Variants in CDYL2 observed in about 807,000 individuals in gnomAD.
CDYL2 encodes the protein chromodomain Y like 2.
CDYL2 carries 23 observed loss-of-function variants against 49.4 expected under a neutral mutation model. That is an observed-to-expected ratio of 0.47 (90% CI 0.34 to 0.66). CDYL2 has a LOEUF of 0.66. CDYL2 is among the 30% of genes least tolerant of loss of function. CDYL2 has a pLI of 0.01. For missense variants in CDYL2, 678 were observed against 656.4 expected (o/e 1.03, Z -0.36); for synonymous variants, 360 against 268.8 (o/e 1.34, Z -3.32).
intron 1 of CDYL2, among the ~76,000 whole-genome samples, chr16:80,704,539 T>C (rs564672285): frequency 1.3e-5 from 2 of 152,316 alleles, no homozygotes; most frequent in South Asian, 4.1e-4. Flanking sequence ...CTGAGATAAG[T>C]GCTCTAGACA....
Position 80,633,214 on chromosome 16 carries a change from T to A in CDYL2, c.639A>T (p.Gly213=), listed in dbSNP as rs754724322. The A allele has an allele frequency of 3.1e-6, 5 of 1,614,068 alleles. No homozygotes were observed. In the South Asian group the frequency reaches 5.5e-5, roughly 18 times the overall value. The change falls in exon 3 of 7, where the codon GGA becomes GGT. Residue 213 remains glycine, a synonymous_variant. Coordinates refer to ENST00000570137, the MANE Select transcript of CDYL2 (RefSeq NM_152342.4). Reference sequence around the variant, plus strand: ...TCTTCACTGGACTGTGCAGGTTCAATCCCCCGTTGGTCAGAGCAGAGCCTT... The same window carrying A: ...TCTTCACTGGACTGTGCAGGTTCAAACCCCCGTTGGTCAGAGCAGAGCCTT... ...NGLGSALTNG[G]LNLHSPVKRK...
intron 5 of CDYL2, 94 bp from the exon 6 acceptor site, chr16:80,608,329 T>G (rs1273393209): frequency 7.4e-7 from 1 of 1,347,112 alleles, no homozygotes; most frequent in African/African-American, 1.5e-5. Context: ...CCATCCCAGT[T>G]CTGGAAGGCA....
At chr16:80,621,676 A>G (rs1225335725) in intron 3 of CDYL2, among the ~76,000 whole-genome samples, 1 of 152,224 alleles carries the variant, frequency 6.6e-6, no homozygotes, top group Non-Finnish European at 1.5e-5. Context: ...TCTGGATAAA[A>G]GGCATTTTGT....
At chr16:80,679,424 G>A (rs539611958) in intron 2 of CDYL2, among the ~76,000 whole-genome samples, 12 of 152,270 alleles carry the variant, frequency 7.9e-5, no homozygotes, top group African/African-American at 1.9e-4. Flanking sequence ...CAGCTGGGCC[G>A]TGGTATAGAG....
intron 1 of CDYL2, among the ~76,000 whole-genome samples, chr16:80,699,406 C>A (rs1322671650): frequency 6.6e-6 from 1 of 152,116 alleles, no homozygotes; most frequent in Non-Finnish European, 1.5e-5. Flanking sequence ...GTGAAATAAG[C>A]CAGGCATAGA....
At chr16:80,708,429 T>C (rs564796471) in intron 1 of CDYL2, among the ~76,000 whole-genome samples, 4 of 152,302 alleles carry the variant, frequency 2.6e-5, no homozygotes, top group Admixed American at 6.5e-5. Context: ...TCTGCCATGA[T>C]TGTGAGGCCT....
At chr16:80,775,708 T>C (rs924424987) in intron 1 of CDYL2, among the ~76,000 whole-genome samples, 2 of 151,942 alleles carry the variant, frequency 1.3e-5, no homozygotes, top group African/African-American at 4.8e-5. Context: ...AATATTTGCA[T>C]GGAAACCTAA....
intron 4 of CDYL2, among the ~76,000 whole-genome samples, chr16:80,617,792 C>T (rs1464960044): frequency 1.3e-5 from 2 of 152,220 alleles, no homozygotes; most frequent in East Asian, 3.8e-4. Flanking sequence ...CACCTTTACT[C>T]TCTTGCATAA....
Position 80,620,827 on chromosome 16 carries a change from A to T in CDYL2, c.943T>A (p.Tyr315Asn). The T allele has an allele frequency of 1.2e-6, 2 of 1,613,170 alleles. No individual in the cohort carries two copies. The highest frequency in any genetic ancestry group is 3.3e-5 in the Admixed American group (2 of 59,964). The change falls in exon 4 of 7, where the codon TAC becomes AAC. Residue 315 changes from tyrosine (Y) to asparagine (N), a missense_variant. Tyr to Asn is a moderately radical substitution (Grantham distance 143, BLOSUM62 -2). Coordinates refer to ENST00000570137, the MANE Select transcript of CDYL2 (RefSeq NM_152342.4). ...TCGCTGGACAACCGGCCAATTAGGT[A>T]GGAATAATCCAGGCCGCTGCAGAAC... ...SVFCSGLDYS[Y>N]LIGRLSSDRR...
chr16:80,715,969 C>T (rs937339647), intron 1 of CDYL2, among the ~76,000 whole-genome samples: 1 of 152,220 alleles, frequency 6.6e-6, no homozygotes, highest in Non-Finnish European at 1.5e-5. Flanking sequence ...CCAGCTCTGT[C>T]GCCGACCTGT....
intron 1 of CDYL2, among the ~76,000 whole-genome samples, chr16:80,688,331 T>C (rs1465924547): frequency 6.6e-6 from 1 of 152,162 alleles, no homozygotes; most frequent in Non-Finnish European, 1.5e-5. Context: ...GGAAGACACC[T>C]TGGCTCTGTC....
At chr16:80,778,142 A>C (rs1280896931) in intron 1 of CDYL2, among the ~76,000 whole-genome samples, 1 of 151,980 alleles carries the variant, frequency 6.6e-6, no homozygotes, top group East Asian at 1.9e-4. Flanking sequence ...AAAACAGTAA[A>C]CTAGCTGTAG....
In CDYL2 at chr16:80,666,774, G is replaced by A. The variant is rs77201058; in HGVS notation, c.616+17764C>T. Among the ~76,000 whole-genome samples, 764 of 152,338 alleles carry A rather than the reference G, an allele frequency of 5.0e-3. 9 individuals are homozygous for A. Among genetic ancestry groups the A allele is most frequent in the African/African-American group, 0.018 (738 of 41,576 alleles). ...TTGACAGATGTCAGAAGGGTTTGCA[G>A]TGGGTGGACCTGGCCTCAGGACCCC... is the stretch of plus-strand genomic sequence containing the variant. On this transcript the variant is annotated intron_variant, in intron 2 of 6. Transcript: ENST00000570137.
At chr16:80,614,471 C>A (rs1220966209) in intron 4 of CDYL2, among the ~76,000 whole-genome samples, 3 of 152,236 alleles carry the variant, frequency 2.0e-5, no homozygotes, top group African/African-American at 7.2e-5. Flanking sequence ...AATGGGAAGA[C>A]AGCCACAGGC....
intron 5 of CDYL2, among the ~76,000 whole-genome samples, chr16:80,610,579 T>A (rs1385974944): frequency 1.5e-5 from 2 of 130,722 alleles, no homozygotes; most frequent in African/African-American, 3.6e-5. Flanking sequence ...TGAAGACCCA[T>A]AAAATTAACA....
At position 80,612,747 on chromosome 16, in the gene CDYL2, G is replaced by A. The variant is rs779722871; in HGVS notation, c.1097C>T (p.Pro366Leu). 2 of 1,613,670 alleles carry A rather than the reference G, an allele frequency of 1.2e-6. No individual in the cohort carries two copies. Among genetic ancestry groups the A allele is most frequent in the African/African-American group, 1.3e-5 (1 of 74,920 alleles). The change falls in exon 5 of 7, where the codon CCC (proline) becomes CTC (leucine). Residue 366 changes from proline to leucine, a missense_variant. Physicochemically the swap from Pro to Leu is moderately conservative, Grantham distance 98. Coordinates refer to ENST00000570137, the MANE Select transcript of CDYL2 (RefSeq NM_152342.4). This position sits in a 1 kb window ranked among gnomAD's most constrained non-coding sequence, Gnocchi z 5.0. ...ACTGGCCCACACGATGTCACAGAGG[G>A]GCAGGATGGAGGCACCCAGGCCCAG... ...PALGLGASILPLCDIVWASEK... is the reference protein window; with the variant it reads ...PALGLGASILLLCDIVWASEK...
intron 1 of CDYL2, among the ~76,000 whole-genome samples, chr16:80,709,687 A>G (rs1403054849): frequency 6.6e-6 from 1 of 151,866 alleles, no homozygotes; most frequent in African/African-American, 2.4e-5. Flanking sequence ...CTATTTCACA[A>G]CCCCACAATA....
chr16:80,759,281 G>A (rs991523060), intron 1 of CDYL2, among the ~76,000 whole-genome samples: 1 of 151,230 alleles, frequency 6.6e-6, no homozygotes, highest in Admixed American at 6.6e-5. Flanking sequence ...GTATATTTGT[G>A]CCTTTTGAAT....
chr16:80,666,673 T>G (rs1180444671), intron 2 of CDYL2, among the ~76,000 whole-genome samples: 1 of 152,112 alleles, frequency 6.6e-6, no homozygotes, highest in Admixed American at 6.5e-5. Context: ...CATGTTACCA[T>G]GAGCAGAGGC....
Sources: allele counts gnomAD v4.1 joint callset (sites outside exome capture counted in the v4.1 genomes callset), GRCh38; gene constraint gnomAD v4.1.1; non-coding constraint Gnocchi (gnomAD v3.1); transcripts MANE v1.5; gene names NCBI Gene and HGNC (gene_info 2026-07-23, HGNC 2026-07-21).